PLCH1: variants seen among roughly 807,000 people sequenced by gnomAD.
PLCH1 encodes 1-phosphatidylinositol 4,5-bisphosphate phosphodiesterase eta-1.
A neutral mutation model predicts 126.7 loss-of-function variants in PLCH1; 60 were observed. The ratio of observed to expected loss-of-function variants is 0.47; its 90% confidence interval spans 0.38 to 0.59. The LOEUF is 0.59. PLCH1 is among the 20% of genes least tolerant of loss of function. The pLI is 0.00. For synonymous variants in PLCH1, 719 were observed against 734.9 expected (o/e 0.98, Z 0.35); for missense variants, 1,723 against 2,040.0 (o/e 0.84, Z 2.99).
At chr3:155,665,744 T>G (rs765991836) in intron 2 of PLCH1, among the ~76,000 whole-genome samples, 1 of 152,142 alleles carries the variant, frequency 6.6e-6, no homozygotes, top group Non-Finnish European at 1.5e-5. Context: ...ATAAATCTGA[T>G]TTTTTCCAAT....
chr3:155,542,171 C>G (rs1433239221), intron 10 of PLCH1, among the ~76,000 whole-genome samples: 4 of 152,172 alleles, frequency 2.6e-5, no homozygotes, highest in Non-Finnish European at 4.4e-5. Flanking sequence ...AAAATCGGGT[C>G]ACTCCCACCC....
intron 2 of PLCH1, among the ~76,000 whole-genome samples, chr3:155,699,811 C>T (rs996602688): frequency 6.2e-5 from 8 of 128,950 alleles, no homozygotes; most frequent in African/African-American, 2.0e-4. Context: ...TCAGGAGAAA[C>T]CTGTGACCAT....
At chr3:155,712,739 C>CTAAA (rs143995774) in intron 1 of PLCH1, among the ~76,000 whole-genome samples, 13,568 of 149,528 alleles carry the variant, frequency 0.091, 827 homozygotes, top group Middle Eastern at 0.14. Flanking sequence ...TACTCTGTCA[C>CTAAA]TAAATAAATA....
chr3:155,462,828 G>A (rs1206486816), intron 21 of PLCH1, among the ~76,000 whole-genome samples: 1 of 152,172 alleles, frequency 6.6e-6, no homozygotes, highest in Non-Finnish European at 1.5e-5. Flanking sequence ...CAGCTGGCAT[G>A]GAGAGACTAG....
At chr3:155,632,260 C>A (rs1738140183) in intron 2 of PLCH1, among the ~76,000 whole-genome samples, 1 of 152,212 alleles carries the variant, frequency 6.6e-6, no homozygotes, top group Non-Finnish European at 1.5e-5. Context: ...TTTGTAGTCA[C>A]AGAATACTCT....
At chr3:155,562,332 C>G (rs979118329) in intron 8 of PLCH1, among the ~76,000 whole-genome samples, 1 of 152,140 alleles carries the variant, frequency 6.6e-6, no homozygotes, top group Non-Finnish European at 1.5e-5. Flanking sequence ...AGTGTGATGA[C>G]AACTTTCCAC....
intron 2 of PLCH1, among the ~76,000 whole-genome samples, chr3:155,633,719 C>T (rs540338030): frequency 2.5e-4 from 38 of 152,208 alleles, no homozygotes; most frequent in African/African-American, 8.9e-4. Flanking sequence ...GCCGGGAGTT[C>T]GAGATCAGCC....
chr3:155,610,088 G>A (rs977335970), intron 2 of PLCH1, among the ~76,000 whole-genome samples: 1 of 152,074 alleles, frequency 6.6e-6, no homozygotes, highest in Admixed American at 6.5e-5. Flanking sequence ...CACTGGGTGC[G>A]GTGGATCACA....
At position 155,494,507 on chromosome 3, in the gene PLCH1, T is replaced by C. The variant is rs753380643; in HGVS notation, c.1905A>G (p.Gly635=). Reference sequence around the variant, plus strand: ...TTGTTTCACTGAATGATAACACATTTCCTGTGGTTCCTGGCAGTTTTTAAT... The same window carrying C: ...TTGTTTCACTGAATGATAACACATTCCCTGTGGTTCCTGGCAGTTTTTAAT... ...AQDIVDDGTT[G]NVLSFSETRA... is the part of the protein sequence containing the mutation. Residue 635 remains glycine (G), a synonymous_variant, in exon 16 of 23, where the codon GGA becomes GGG. Transcript: ENST00000460012. 1.9e-6 allele frequency: 3 copies of C among 1,599,894 alleles called. No homozygotes were observed. The highest frequency in any genetic ancestry group is 4.5e-5 in the East Asian group (2 of 44,302).
chr3:155,546,238 C>A (rs542107750), intron 10 of PLCH1, among the ~76,000 whole-genome samples: 2 of 152,118 alleles, frequency 1.3e-5, no homozygotes, highest in Non-Finnish European at 2.9e-5. Flanking sequence ...TTCCTATACA[C>A]CAATAACAGA....
At chr3:155,546,002 A>C (rs557828854) in intron 10 of PLCH1, among the ~76,000 whole-genome samples, 1 of 151,524 alleles carries the variant, frequency 6.6e-6, no homozygotes, top group African/African-American at 2.4e-5. Flanking sequence ...CTCTCTCACC[A>C]CTCCTATTCA....
At chr3:155,491,854 G>T (rs1716260182) in intron 18 of PLCH1, among the ~76,000 whole-genome samples, 2 of 152,106 alleles carry the variant, frequency 1.3e-5, no homozygotes, top group Admixed American at 1.3e-4. Context: ...ATGCATGTTT[G>T]ATTCTTATAC....
At chr3:155,493,180 T>C (rs1194280796) in intron 17 of PLCH1, among the ~76,000 whole-genome samples, 1 of 152,146 alleles carries the variant, frequency 6.6e-6, no homozygotes, top group African/African-American at 2.4e-5. Context: ...ATCTCAGGCA[T>C]GAGTGAATAT....
chr3:155,654,496 C>T (rs1486422881), intron 2 of PLCH1, among the ~76,000 whole-genome samples: 1 of 152,124 alleles, frequency 6.6e-6, no homozygotes, highest in Non-Finnish European at 1.5e-5. Context: ...AAAAGAAGAA[C>T]TCTTGTCCCC....
chr3:155,703,375 G>T (rs1746417335), intron 2 of PLCH1, among the ~76,000 whole-genome samples: 1 of 152,152 alleles, frequency 6.6e-6, no homozygotes, highest in African/African-American at 2.4e-5. Context: ...CTCTGATAGA[G>T]ATTACTCCAA....
chr3:155,469,729 G>A (rs1291859524), intron 21 of PLCH1, among the ~76,000 whole-genome samples: 1 of 151,806 alleles, frequency 6.6e-6, no homozygotes, highest in Non-Finnish European at 1.5e-5. Context: ...CTGGAGATCT[G>A]AGAACGGGCA....
chr3:155,529,360 C>A (rs1722361298), intron 10 of PLCH1, among the ~76,000 whole-genome samples: 1 of 149,410 alleles, frequency 6.7e-6, no homozygotes, highest in Non-Finnish European at 1.5e-5. Context: ...GTTATTTCAG[C>A]AAAAAGAGTC....
At chr3:155,657,369 C>A (rs920368466) in intron 2 of PLCH1, among the ~76,000 whole-genome samples, 1 of 152,070 alleles carries the variant, frequency 6.6e-6, no homozygotes, top group African/African-American at 2.4e-5. Context: ...GTTGAGAAGA[C>A]AAGGCTGGGA....
At chr3:155,534,237 A>G (rs1723055354) in intron 10 of PLCH1, among the ~76,000 whole-genome samples, 1 of 152,228 alleles carries the variant, frequency 6.6e-6, no homozygotes, top group Admixed American at 6.5e-5. Flanking sequence ...ACAGGAGTGG[A>G]GCCACCCAAG....
Sources: gnomAD v4.1 joint callset for allele counts (sites outside exome capture counted in the v4.1 genomes callset) on GRCh38, gnomAD v4.1.1 for gene constraint, MANE v1.5 for transcripts, NCBI Gene and HGNC (gene_info 2026-07-23, HGNC 2026-07-21) for gene names.